Variants in MAP3K7 observed in about 807,000 individuals in gnomAD.
The protein encoded by MAP3K7 is TGF-beta activated kinase 1.
Under a neutral mutation model 84.8 loss-of-function variants are expected in MAP3K7, and 21 were observed. That is an observed-to-expected ratio of 0.25 (90% CI 0.18 to 0.36). The LOEUF (loss-of-function observed/expected upper bound fraction) is 0.36, where lower values mean the gene tolerates loss of function less well. MAP3K7 is among the 10% of genes least tolerant of loss of function. MAP3K7 has a pLI of 1.00. For synonymous variants in MAP3K7, 241 were observed against 247.7 expected (o/e 0.97, Z 0.25); for missense variants, 503 against 747.7 (o/e 0.67, Z 3.82).
At chr6:90,543,255 C>G (rs1775908236) in intron 12 of MAP3K7, among the ~76,000 whole-genome samples, 1 of 151,986 alleles carries the variant, frequency 6.6e-6, no homozygotes, top group African/African-American at 2.4e-5. Context: ...TGGGTTAACT[C>G]TACTCTTTGA....
chr6:90,521,574 T>C (rs1278072712), intron 14 of MAP3K7, among the ~76,000 whole-genome samples: 11 of 152,110 alleles, frequency 7.2e-5, no homozygotes, highest in Middle Eastern at 3.2e-3. Flanking sequence ...ATAAATTTAG[T>C]AAGTTATTAT....
chr6:90,560,589 T>A (rs951892198), intron 4 of MAP3K7, among the ~76,000 whole-genome samples: 1 of 152,190 alleles, frequency 6.6e-6, no homozygotes, highest in African/African-American at 2.4e-5. Context: ...CTTGATCTCT[T>A]GACCTCATGA....
intron 1 of MAP3K7, among the ~76,000 whole-genome samples, chr6:90,579,064 A>G (rs1312420470): frequency 6.6e-6 from 1 of 152,228 alleles, no homozygotes; most frequent in Non-Finnish European, 1.5e-5. Flanking sequence ...AATCAGAGTC[A>G]GCTTTCAGGT....
chr6:90,578,788 T>C (rs1777171238), intron 1 of MAP3K7, among the ~76,000 whole-genome samples: 1 of 152,142 alleles, frequency 6.6e-6, no homozygotes, highest in Non-Finnish European at 1.5e-5. Context: ...AAAAAAAGCT[T>C]CCCAGGGCAT....
chr6:90,536,288 T>C lies in MAP3K7; in HGVS notation c.1356+49A>G, dbSNP rs9345029. On this transcript the variant is annotated intron_variant, in intron 13 of 16. Transcript: ENST00000369329. ...CAGAGTAGAATACAGTTAATTCTTG[T>C]TTTCTGCCTAGTATTCTTCAAAGAT... 2.8e-6 allele frequency: 4 copies of C among 1,454,456 alleles called. No individual in the cohort carries two copies. The East Asian group carries it at 6.8e-5, about 25-fold the overall frequency. 90.1% of individuals were successfully genotyped at this position (1,454,456 alleles called of 1,614,324 possible).
In MAP3K7 at chr6:90,586,714, C is replaced by A. The variant is rs1425316530; in HGVS notation, c.120+50G>T. Reference sequence around the variant, plus strand: ...CTTCAGAGCCGGCACCAGGCAGAGGCGGGGGCGGGGCAGGCCGGGACCGGC... The same window carrying A: ...CTTCAGAGCCGGCACCAGGCAGAGGAGGGGGCGGGGCAGGCCGGGACCGGC... On this transcript the variant is annotated intron_variant, in intron 1 of 16. Coordinates refer to ENST00000369329, the MANE Select transcript of MAP3K7 (RefSeq NM_145331.3). 2.6e-6 allele frequency: 4 copies of A among 1,538,854 alleles called. No homozygotes were observed. In the South Asian group the frequency reaches 3.6e-5, roughly 14 times the overall value.
At position 90,516,575 on chromosome 6, in the gene MAP3K7, T is replaced by C. The variant is rs1774969929; in HGVS notation, c.1747A>G (p.Thr583Ala). ...TGTTTTTTGCATTGCTGGTAGTAAGTAGAAAGGCTTTTGTTTTCATCTAAA... is the reference window on the plus strand; with the variant it reads ...TGTTTTTTGCATTGCTGGTAGTAAGCAGAAAGGCTTTTGTTTTCATCTAAA... Reference protein sequence around the residue: ...KLLDENKSLSTYYQQCKKQLE... With the variant: ...KLLDENKSLSAYYQQCKKQLE... The change falls in exon 17 of 17, where the codon ACT becomes GCT. Residue 583 changes from threonine (T) to alanine (A), a missense_variant. Thr to Ala is a moderately conservative substitution (Grantham distance 58). Around this residue, in one of 5 missense-constraint regions of MAP3K7, gnomAD observed 43 missense variants for 47.3 expected, o/e 0.91. Transcript: ENST00000369329. 19 of 1,612,652 alleles carry C rather than the reference T, an allele frequency of 1.2e-5. No individual in the cohort carries two copies. Among genetic ancestry groups the C allele is most frequent in the Non-Finnish European group, 1.5e-5 (18 of 1,179,128 alleles).
At chr6:90,546,237 T>C (rs1330853365) in intron 11 of MAP3K7, among the ~76,000 whole-genome samples, 1 of 152,290 alleles carries the variant, frequency 6.6e-6, no homozygotes, top group Middle Eastern at 3.4e-3. Context: ...ATGGTCCATC[T>C]TGACAACTTC....
chr6:90,544,648 TA>T lies in MAP3K7; in HGVS notation c.1211-17del. Reference sequence around the variant, plus strand: ...TTGGAATAGGCTGCAAAAACACATATATACAGTATACATGCAAACAACCACA... The same window carrying T: ...TTGGAATAGGCTGCAAAAACACATATTACAGTATACATGCAAACAACCACA... On this transcript the variant is annotated splice_polypyrimidine_tract_variant and intron_variant, in intron 11 of 16. Coordinates refer to ENST00000369329, the MANE Select transcript of MAP3K7 (RefSeq NM_145331.3). 6.2e-7 allele frequency: 1 copy of T among 1,602,976 alleles called. No homozygotes were observed. The highest frequency in any genetic ancestry group is 8.5e-7 in the Non-Finnish European group (1 of 1,170,338).
chr6:90,526,955 AAAAAT>A (rs1775341402), intron 13 of MAP3K7, among the ~76,000 whole-genome samples: 1 of 152,148 alleles, frequency 6.6e-6, no homozygotes, highest in African/African-American at 2.4e-5. Context: ...TCACTTCCAA[AAAAAT>A]AAAATAAAAA....
chr6:90,558,183 A>G (rs1017881176), intron 5 of MAP3K7, among the ~76,000 whole-genome samples: 7 of 151,966 alleles, frequency 4.6e-5, no homozygotes, highest in Admixed American at 6.6e-5. Flanking sequence ...TTAGCCAGGC[A>G]TGGTGGCACA....
intron 12 of MAP3K7, among the ~76,000 whole-genome samples, chr6:90,538,526 A>C (rs905061492): frequency 1.3e-5 from 2 of 151,938 alleles, no homozygotes; most frequent in African/African-American, 4.8e-5. Context: ...TGCTATCCTG[A>C]GTATTTCATT....
At chr6:90,568,424 T>C in intron 3 of MAP3K7, 134 bp downstream of exon 3, 1 of 657,106 alleles carries the variant, frequency 1.5e-6, no homozygotes, top group South Asian at 2.2e-5. Context: ...GAGGTACCTT[T>C]TTATCTTGAA....
At chr6:90,564,388 T>C (rs991640185) in intron 3 of MAP3K7, among the ~76,000 whole-genome samples, 1 of 150,764 alleles carries the variant, frequency 6.6e-6, no homozygotes, top group Non-Finnish European at 1.5e-5. Flanking sequence ...ACCAAGCAAA[T>C]GGAAAACAAA....
intron 3 of MAP3K7, among the ~76,000 whole-genome samples, chr6:90,564,960 T>C (rs916933977): frequency 6.6e-6 from 1 of 152,168 alleles, no homozygotes; most frequent in Non-Finnish European, 1.5e-5. Flanking sequence ...AATGGACTAC[T>C]GGGTACGTAA....
rs909929482 is a variant in MAP3K7 at position 90,515,845 on chromosome 6, C to T, written c.*656G>A. The stretch of plus-strand genomic sequence containing the variant: ...TCCATTTTGTTCAATGTATCACAAT[C>T]AAATTTTAGTCTAACAAAATCCGGT... On this transcript the variant is annotated 3_prime_UTR_variant, in exon 17 of 17. Transcript: ENST00000369329. 1 of 152,244 alleles carries T rather than the reference C, an allele frequency of 6.6e-6. No homozygotes were observed. The highest frequency in any genetic ancestry group is 2.4e-5 in the African/African-American group (1 of 41,368). The allele number at this position is 152,244 out of a possible 1,614,324, so 9.4% of individuals were successfully genotyped here.
intron 3 of MAP3K7, among the ~76,000 whole-genome samples, chr6:90,565,588 A>G (rs554714535): frequency 1.3e-5 from 2 of 152,298 alleles, no homozygotes; most frequent in East Asian, 3.9e-4. Flanking sequence ...ACCAAACAAA[A>G]AAAGTCCAGG....
intron 1 of MAP3K7, among the ~76,000 whole-genome samples, chr6:90,575,930 T>C (rs1369742410): frequency 6.6e-6 from 1 of 152,144 alleles, no homozygotes; most frequent in Non-Finnish European, 1.5e-5. Flanking sequence ...AAGGCTCTGA[T>C]CTACACAAAT....
chr6:90,542,754 T>C (rs149389405), intron 12 of MAP3K7, among the ~76,000 whole-genome samples: 301 of 152,132 alleles, frequency 2.0e-3, no homozygotes, highest in Non-Finnish European at 2.6e-3. Context: ...AGATGTACTT[T>C]AAGCTACTTT....
Sources: allele counts gnomAD v4.1 joint callset (sites outside exome capture counted in the v4.1 genomes callset), GRCh38; gene constraint gnomAD v4.1.1; regional missense constraint gnomAD v4.1.1; transcripts MANE v1.5; gene names NCBI Gene and HGNC (gene_info 2026-07-23, HGNC 2026-07-21).